FAM234A: variants seen among roughly 807,000 people sequenced by gnomAD.
FAM234A encodes family with sequence similarity 234 member A.
Under a neutral mutation model 49.1 loss-of-function variants are expected in FAM234A, and 42 were observed. The ratio of observed to expected loss-of-function variants is 0.86; its 90% confidence interval spans 0.67 to 1.11. The LOEUF (loss-of-function observed/expected upper bound fraction) is 1.11. FAM234A is among the 50% of genes least tolerant of loss of function. The probability of loss-of-function intolerance (pLI) is 0.00; values close to 1 mark genes in which losing one functional copy is unlikely to be tolerated. For synonymous variants in FAM234A, 369 were observed against 316.2 expected (o/e 1.17, Z -1.77); for missense variants, 815 against 745.2 (o/e 1.09, Z -1.09).
At chr16:269,071 C>T, downstream of FAM234A, 1 of 994,682 alleles carries the variant, frequency 1.0e-6, no homozygotes, top group Non-Finnish European at 1.6e-6. Flanking sequence ...CACACCTGGA[C>T]CCATTCCTTC....
chr16:237,639 A>G (rs1476349006), intron 1 of FAM234A, among the ~76,000 whole-genome samples: 4 of 151,744 alleles, frequency 2.6e-5, no homozygotes, highest in South Asian at 2.1e-4. Flanking sequence ...TCACATGGTA[A>G]TTATCTTCCC....
intron 3 of FAM234A, among the ~76,000 whole-genome samples, chr16:258,108 C>T (rs2051311393): frequency 6.6e-6 from 1 of 151,974 alleles, no homozygotes; most frequent in African/African-American, 2.4e-5. Context: ...CCCGCCTCGG[C>T]CTCCTAAAGT....
intron 6 of FAM234A, 59 bp downstream of exon 6, chr16:261,573 T>C (rs1198267979): frequency 1.3e-6 from 2 of 1,516,792 alleles, no homozygotes; most frequent in Non-Finnish European, 1.8e-6. Context: ...ACGGCCCTGC[T>C]CTACCTCCCC....
At chr16:263,510 G>T (rs552625943) in intron 9 of FAM234A, 108 bp downstream of exon 9, 2 of 1,460,000 alleles carry the variant, frequency 1.4e-6, no homozygotes, top group Non-Finnish European at 1.9e-6. Flanking sequence ...GCCGGAGGCC[G>T]TGTGCTGCTG....
intron 1 of FAM234A, among the ~76,000 whole-genome samples, chr16:238,055 G>T (rs1366252819): frequency 2.6e-5 from 4 of 151,780 alleles, no homozygotes; most frequent in African/African-American, 4.8e-5. Context: ...TTCTCGCTCT[G>T]TTGCCCAGGC....
chr16:260,890 G>C (rs1000568705), intron 5 of FAM234A: 5 of 333,442 alleles, frequency 1.5e-5, no homozygotes, highest in African/African-American at 4.4e-5. Context: ...CTGCCTCCGG[G>C]CGCACACCTC....
intron 3 of FAM234A, among the ~76,000 whole-genome samples, chr16:258,757 G>A (rs974195730): frequency 6.6e-6 from 1 of 152,202 alleles, no homozygotes; most frequent in Non-Finnish European, 1.5e-5. Flanking sequence ...CTCACCTCCC[G>A]GAGGGGGCAG....
At chr16:248,368 T>C (rs1021311719) in intron 1 of FAM234A, 7 of 152,104 alleles carry the variant, frequency 4.6e-5, no homozygotes, top group African/African-American at 1.7e-4. Context: ...TTGGTCTGAT[T>C]TAACATGACA....
At chr16:264,295 A>G in intron 11 of FAM234A, 124 bp downstream of exon 11, 3 of 1,072,106 alleles carry the variant, frequency 2.8e-6, no homozygotes, top group East Asian at 5.2e-5. Context: ...GTTGAAGTCC[A>G]GTGACAGTCA....
downstream of FAM234A, chr16:269,577 G>A (rs1043625888): frequency 1.2e-6 from 2 of 1,612,972 alleles, no homozygotes; most frequent in East Asian, 4.5e-5. Flanking sequence ...GGAACCTTGG[G>A]TAGGAGTCCT....
chr16:258,998 G>A (rs1053374655), intron 3 of FAM234A, among the ~76,000 whole-genome samples: 4 of 152,194 alleles, frequency 2.6e-5, no homozygotes, highest in African/African-American at 9.7e-5. Context: ...GGCCAAGATG[G>A]TCTCAATCTC....
At chr16:266,181 G>A, downstream of FAM234A, 2 of 847,846 alleles carry the variant, frequency 2.4e-6, no homozygotes, top group Non-Finnish European at 2.8e-6. Flanking sequence ...TGTTCCTGGA[G>A]GAGTGACCAG....
intron 8 of FAM234A, 41 bp from the exon 9 acceptor site, chr16:263,221 C>T: frequency 6.2e-7 from 1 of 1,601,182 alleles, no homozygotes; most frequent in Non-Finnish European, 8.5e-7. Context: ...CTGAGGCCGC[C>T]CCGGGGACCC....
rs576561084 is a variant in FAM234A at position 265,911 on chromosome 16, C to T, written c.*889C>T. On this transcript the variant is annotated 3_prime_UTR_variant, in exon 13 of 13. Transcript: ENST00000399932. The stretch of plus-strand genomic sequence containing the variant: ...TCCCCTTCCGGTGCTCACACGCCCA[C>T]GCCGTGCCACCCGATGCAGGACTCA... 100 of 986,462 alleles carry T rather than the reference C, an allele frequency of 1.0e-4. No individual in the cohort carries two copies. The East Asian group carries it at 1.4e-3, about 13-fold the overall frequency. 61.1% of individuals were successfully genotyped at this position (986,462 alleles called of 1,614,324 possible).
chr16:246,417 C>CT (rs1183467460), intron 1 of FAM234A, among the ~76,000 whole-genome samples: 1,843 of 67,284 alleles, frequency 0.027, 230 homozygotes, highest in African/African-American at 0.083. Context: ...TAGGTGGTGG[C>CT]TTTTTTTTTT....
intron 2 of FAM234A, among the ~76,000 whole-genome samples, chr16:251,830 C>T (rs2051025552): frequency 6.6e-6 from 1 of 150,508 alleles, no homozygotes; most frequent in Non-Finnish European, 1.5e-5. Flanking sequence ...GGTGAAACCC[C>T]ATCTCTACTA....
intron 2 of FAM234A, among the ~76,000 whole-genome samples, chr16:252,472 G>A (rs925314306): frequency 5.3e-5 from 8 of 152,092 alleles, no homozygotes; most frequent in African/African-American, 1.7e-4. Context: ...GTGAGCCACC[G>A]TGCCCGGCCG....
chr16:238,599 T>C (rs1042287983), intron 1 of FAM234A, among the ~76,000 whole-genome samples: 7 of 151,006 alleles, frequency 4.6e-5, no homozygotes, highest in African/African-American at 1.7e-4. Flanking sequence ...ATCCCGTCTC[T>C]ACTAAAAATA....
At chr16:256,143 CTT>C (rs2051222669) in intron 3 of FAM234A, among the ~76,000 whole-genome samples, 1 of 152,192 alleles carries the variant, frequency 6.6e-6, no homozygotes, top group South Asian at 2.1e-4. Flanking sequence ...AGTTGAGACT[CTT>C]ATGAATAATT....
Sources: allele counts gnomAD v4.1 joint callset (sites outside exome capture counted in the v4.1 genomes callset), GRCh38; gene constraint gnomAD v4.1.1; transcripts MANE v1.5; gene names NCBI Gene and HGNC (gene_info 2026-07-23, HGNC 2026-07-21).